Variants in NBEA observed in about 807,000 individuals in gnomAD.
NBEA encodes the protein lysosomal-trafficking regulator 2.
A neutral mutation model predicts 343.4 loss-of-function variants in NBEA; 44 were observed. The ratio of observed to expected loss-of-function variants is 0.13; its 90% CI spans 0.10 to 0.16. The LOEUF is 0.16. Ranked by LOEUF, NBEA falls within the 10% of genes least tolerant of loss-of-function variation. NBEA has a pLI of 1.00. For missense variants in NBEA, 2,555 were observed against 3,631.3 expected (o/e 0.70, Z 7.62); for synonymous variants, 1,175 against 1,238.7 (o/e 0.95, Z 1.08).
intron 41 of NBEA, chr13:35,475,947 C>G (rs2075842713): frequency 6.2e-7 from 1 of 1,614,006 alleles, no homozygotes; most frequent in African/African-American, 1.3e-5. Flanking sequence ...CCTCGAGGCC[C>G]TCGTAGCGAT....
intron 48 of NBEA, among the ~76,000 whole-genome samples, chr13:35,613,224 G>T (rs1323795257): frequency 2.0e-5 from 3 of 150,676 alleles, no homozygotes; most frequent in African/African-American, 7.3e-5. Context: ...TCAGCCTCTG[G>T]TAACCACCAT....
At chr13:35,175,304 T>C (rs2070802918) in intron 27 of NBEA, among the ~76,000 whole-genome samples, 2 of 152,314 alleles carry the variant, frequency 1.3e-5, no homozygotes, top group South Asian at 4.1e-4. Context: ...AAAGTGATAA[T>C]AGACTGACAT....
At chr13:35,318,074 T>C (rs1359638284) in intron 36 of NBEA, among the ~76,000 whole-genome samples, 2 of 152,028 alleles carry the variant, frequency 1.3e-5, no homozygotes, top group Non-Finnish European at 2.9e-5. Flanking sequence ...TCTCTCTTCC[T>C]ATTTGAATAC....
At chr13:35,599,122 G>A (rs984192521) in intron 47 of NBEA, among the ~76,000 whole-genome samples, 3 of 152,076 alleles carry the variant, frequency 2.0e-5, no homozygotes, top group African/African-American at 7.2e-5. Context: ...CTACTTAAGA[G>A]GGACTGCTTC....
intron 34 of NBEA, among the ~76,000 whole-genome samples, chr13:35,262,516 G>A (rs1042869231): frequency 2.0e-5 from 3 of 152,182 alleles, no homozygotes; most frequent in African/African-American, 7.2e-5. Flanking sequence ...ACCTGACTAT[G>A]TAGATGAACT....
At chr13:35,432,888 T>C (rs1400181938) in intron 39 of NBEA, among the ~76,000 whole-genome samples, 1 of 152,060 alleles carries the variant, frequency 6.6e-6, no homozygotes, top group African/African-American at 2.4e-5. Flanking sequence ...CATATACATA[T>C]TGTATATATT....
intron 48 of NBEA, among the ~76,000 whole-genome samples, chr13:35,609,843 T>C (rs150001653): frequency 1.2e-3 from 185 of 152,272 alleles, no homozygotes; most frequent in African/African-American, 4.3e-3. Flanking sequence ...CGCAGAATGC[T>C]GTTTGGAAAT....
chr13:35,406,033 G>GA (rs1333794579), intron 38 of NBEA, among the ~76,000 whole-genome samples: 3 of 151,478 alleles, frequency 2.0e-5, no homozygotes, highest in African/African-American at 4.9e-5. Context: ...TCCATCTCCA[G>GA]AAAAAAAAGG....
chr13:35,356,887 A>T (rs1375638588), intron 38 of NBEA, among the ~76,000 whole-genome samples: 1 of 152,100 alleles, frequency 6.6e-6, no homozygotes, highest in Non-Finnish European at 1.5e-5. Flanking sequence ...TCCTCATTAG[A>T]GTGGATTTCT....
At chr13:35,262,740 AAC>A (rs1356893689) in intron 34 of NBEA, among the ~76,000 whole-genome samples, 1 of 152,094 alleles carries the variant, frequency 6.6e-6, no homozygotes, top group Non-Finnish European at 1.5e-5. Context: ...GTGGTGGCAA[AAC>A]ACAGTGCATG....
At chr13:34,956,909 C>T (rs2059511539) in intron 1 of NBEA, among the ~76,000 whole-genome samples, 1 of 152,044 alleles carries the variant, frequency 6.6e-6, no homozygotes, top group African/African-American at 2.4e-5. Context: ...CCTCGGCCTC[C>T]CAAAGTGTTG....
intron 39 of NBEA, among the ~76,000 whole-genome samples, chr13:35,449,057 G>T (rs1272158947): frequency 6.6e-6 from 1 of 152,176 alleles, no homozygotes; most frequent in Non-Finnish European, 1.5e-5. Context: ...GTATGTGAAA[G>T]CATGACATAT....
intron 28 of NBEA, among the ~76,000 whole-genome samples, chr13:35,180,738 A>T (rs1441553740): frequency 2.0e-5 from 3 of 151,776 alleles, no homozygotes; most frequent in Non-Finnish European, 4.4e-5. Flanking sequence ...TAAGTTCTTT[A>T]GTGGCGATTT....
chr13:35,465,667 G>T (rs543399873), intron 40 of NBEA, among the ~76,000 whole-genome samples: 1 of 152,214 alleles, frequency 6.6e-6, no homozygotes, highest in Middle Eastern at 3.4e-3. Flanking sequence ...AAATCAAAAG[G>T]CAGAGCAAAT....
rs1233348410 is a variant in NBEA, at chr13:35,010,741, A to ATAT, written c.295-30192_295-30191insTAT. Among the ~76,000 whole-genome samples the ATAT allele has an allele frequency of 4.4e-4, 14 of 31,908 alleles. No homozygotes were observed. In the East Asian group the frequency reaches 0.018, roughly 41 times the overall value. The allele number at this position is 31,908 out of a possible 152,430, so 20.9% of individuals were successfully genotyped here. Reference sequence around the variant, plus strand: ...TGGGTCTCTACAAAAAAAAAAAAAAAATATATATATATATATATATATATA... The same window carrying ATAT: ...TGGGTCTCTACAAAAAAAAAAAAAAATATATATATATATATATATATATATATA... On this transcript the variant is annotated intron_variant, in intron 1 of 58. Transcript: ENST00000379939.
At chr13:35,614,409 C>G (rs1273551546) in intron 48 of NBEA, among the ~76,000 whole-genome samples, 1 of 152,152 alleles carries the variant, frequency 6.6e-6, no homozygotes, top group African/African-American at 2.4e-5. Flanking sequence ...AGGTTGTCAG[C>G]TATCAGTACA....
At chr13:34,979,012 A>G (rs2060269107) in intron 1 of NBEA, among the ~76,000 whole-genome samples, 1 of 152,200 alleles carries the variant, frequency 6.6e-6, no homozygotes, top group Non-Finnish European at 1.5e-5. Flanking sequence ...GAGATGGCAT[A>G]TGCTTGGTTT....
At chr13:35,548,079 A>G (rs1298529473) in intron 41 of NBEA, among the ~76,000 whole-genome samples, 1 of 152,134 alleles carries the variant, frequency 6.6e-6, no homozygotes, top group Non-Finnish European at 1.5e-5. Flanking sequence ...ACCAGAACAG[A>G]GAAGAAAAAA....
chr13:35,317,746 G>A (rs1437998207), intron 36 of NBEA, among the ~76,000 whole-genome samples: 3 of 152,158 alleles, frequency 2.0e-5, no homozygotes, highest in Non-Finnish European at 4.4e-5. Context: ...AGCATGGAGT[G>A]TCTTTCCATT....
Sources: gnomAD v4.1 joint callset for allele counts (sites outside exome capture counted in the v4.1 genomes callset) on GRCh38, gnomAD v4.1.1 for gene constraint, MANE v1.5 for transcripts, NCBI Gene and HGNC (gene_info 2026-07-23, HGNC 2026-07-21) for gene names.